NCAM2: variants seen among roughly 807,000 people sequenced by gnomAD.
The protein encoded by NCAM2 is N-CAM-2.
In NCAM2, 30 loss-of-function variants were observed where a neutral mutation model predicts 98.1. The observed-to-expected ratio is 0.31, with a 90% confidence interval of 0.23 to 0.41. NCAM2 has a LOEUF of 0.41. Among genes scored for constraint, NCAM2 ranks in the 10% least tolerant of loss-of-function variants. The probability of loss-of-function intolerance (pLI) is 1.00; values close to 1 mark genes in which losing one functional copy is unlikely to be tolerated. For missense variants in NCAM2, 867 were observed against 1,005.8 expected, an observed-to-expected ratio of 0.86 and a Z score of 1.87; for synonymous variants, 368 against 342.4, an observed-to-expected ratio of 1.07 and a Z score of -0.83.
chr21:21,261,468 T>G (rs1337887965), intron 1 of NCAM2, among the ~76,000 whole-genome samples: 3 of 152,076 alleles, frequency 2.0e-5, no homozygotes, highest in Admixed American at 6.6e-5. Context: ...TCTCAATAAA[T>G]TCAAAAGGAT....
At chr21:21,325,391 A>G (rs970388458) in intron 6 of NCAM2, among the ~76,000 whole-genome samples, 2 of 152,210 alleles carry the variant, frequency 1.3e-5, no homozygotes, top group African/African-American at 4.8e-5. Flanking sequence ...TTGCTTGAGC[A>G]TGTACTGATA....
chr21:21,219,127 A>G (rs933079158), intron 1 of NCAM2, among the ~76,000 whole-genome samples: 1 of 152,230 alleles, frequency 6.6e-6, no homozygotes. Context: ...ACACAAATTC[A>G]TAAACCTTCT....
At chr21:21,475,340 A>G (rs1294761771) in intron 14 of NCAM2, among the ~76,000 whole-genome samples, 1 of 152,208 alleles carries the variant, frequency 6.6e-6, no homozygotes, top group Non-Finnish European at 1.5e-5. Flanking sequence ...TCATTTTTCA[A>G]AGGCCTCATG....
intron 1 of NCAM2, among the ~76,000 whole-genome samples, chr21:21,265,591 A>T (rs1005560841): frequency 2.0e-5 from 3 of 150,944 alleles, no homozygotes; most frequent in African/African-American, 7.3e-5. Context: ...ACATTAAAAA[A>T]AATGCAGTCA....
intron 1 of NCAM2, 77 bp downstream of exon 1, chr21:20,998,695 A>G: frequency 7.4e-7 from 1 of 1,354,712 alleles, no homozygotes; most frequent in Non-Finnish European, 1.0e-6. Flanking sequence ...AGGGAGGCGC[A>G]GGAAGAATGA....
intron 9 of NCAM2, among the ~76,000 whole-genome samples, chr21:21,389,122 C>G (rs1413617075): frequency 6.6e-6 from 1 of 152,100 alleles, no homozygotes; most frequent in Non-Finnish European, 1.5e-5. Flanking sequence ...GTAGACTGGT[C>G]ATTTATAAAA....
chr21:21,200,912 G>A (rs1412003528), intron 1 of NCAM2, among the ~76,000 whole-genome samples: 5 of 152,018 alleles, frequency 3.3e-5, no homozygotes, highest in Admixed American at 6.6e-5. Context: ...ATTCTCGGGT[G>A]TAGTGATAAT....
At chr21:21,488,914 A>G (rs531035623) in intron 15 of NCAM2, among the ~76,000 whole-genome samples, 85 of 152,232 alleles carry the variant, frequency 5.6e-4, no homozygotes, top group African/African-American at 2.0e-3. Flanking sequence ...GTAAGAGATA[A>G]TGTAACATCC....
intron 15 of NCAM2, among the ~76,000 whole-genome samples, chr21:21,490,890 A>G (rs551880040): frequency 3.5e-4 from 53 of 151,878 alleles, no homozygotes; most frequent in African/African-American, 1.2e-3. Flanking sequence ...GTGTAATCCT[A>G]TGCGTGTGTT....
At chr21:21,261,283 A>G (rs920549907) in intron 1 of NCAM2, among the ~76,000 whole-genome samples, 9 of 152,178 alleles carry the variant, frequency 5.9e-5, no homozygotes, top group African/African-American at 1.4e-4. Context: ...ACATCTCTAG[A>G]TCATCAAGGC....
At chr21:21,209,113 G>A (rs547962432) in intron 1 of NCAM2, among the ~76,000 whole-genome samples, 57 of 150,926 alleles carry the variant, frequency 3.8e-4, no homozygotes, top group African/African-American at 1.2e-3. Context: ...CACTCTCAGC[G>A]TCCTATTAAG....
intron 1 of NCAM2, among the ~76,000 whole-genome samples, chr21:21,155,851 A>T (rs1416484141): frequency 6.6e-6 from 1 of 151,988 alleles, no homozygotes; most frequent in Admixed American, 6.6e-5. Context: ...AAATATTTTC[A>T]TTGCCTGTGA....
chr21:21,130,327 A>G (rs184854828), intron 1 of NCAM2, among the ~76,000 whole-genome samples: 1 of 152,256 alleles, frequency 6.6e-6, no homozygotes, highest in Admixed American at 6.5e-5. Context: ...AATATTGTCA[A>G]TAGGATTTTA....
chr21:21,145,282 A>G (rs1371616997), intron 1 of NCAM2, among the ~76,000 whole-genome samples: 2 of 152,196 alleles, frequency 1.3e-5, no homozygotes, highest in Non-Finnish European at 2.9e-5. Context: ...AACAAAAACA[A>G]AAATATTTTA....
intron 1 of NCAM2, among the ~76,000 whole-genome samples, chr21:21,267,948 C>T (rs2072349160): frequency 6.6e-6 from 1 of 152,046 alleles, no homozygotes; most frequent in East Asian, 1.9e-4. Context: ...ACCTGTATAT[C>T]TCATGAGAAG....
intron 16 of NCAM2, among the ~76,000 whole-genome samples, chr21:21,530,032 A>G (rs145456914): frequency 0.014 from 2,080 of 147,164 alleles, 55 homozygotes; most frequent in African/African-American, 0.049. Flanking sequence ...TCTATATGTA[A>G]TTTTATATTT....
chr21:21,231,151 T>C (rs2070608666), intron 1 of NCAM2, among the ~76,000 whole-genome samples: 2 of 151,318 alleles, frequency 1.3e-5, no homozygotes, highest in Admixed American at 1.3e-4. Flanking sequence ...GAAAGTACAA[T>C]GCCAAAAGTA....
intron 1 of NCAM2, among the ~76,000 whole-genome samples, chr21:21,114,640 G>A (rs999188740): frequency 1.3e-5 from 2 of 152,128 alleles, no homozygotes; most frequent in African/African-American, 4.8e-5. Flanking sequence ...TACAAAAGTG[G>A]TTCCCAACAG....
intron 16 of NCAM2, among the ~76,000 whole-genome samples, chr21:21,526,368 T>G (rs1046871174): frequency 2.6e-5 from 4 of 152,076 alleles, no homozygotes; most frequent in Non-Finnish European, 4.4e-5. Context: ...GAAACAAAAT[T>G]ATTATTTTAA....
Sources: allele counts gnomAD v4.1 joint callset (sites outside exome capture counted in the v4.1 genomes callset), GRCh38; gene constraint gnomAD v4.1.1; transcripts MANE v1.5; gene names NCBI Gene and HGNC (gene_info 2026-07-23, HGNC 2026-07-21).